CADPS: variants seen among roughly 807,000 people sequenced by gnomAD.
The protein encoded by CADPS is calcium dependent secretion activator, also known as calcium-dependent secretion activator 1.
Under a neutral mutation model 167.3 loss-of-function variants are expected in CADPS, and 57 were observed. The ratio of observed to expected loss-of-function variants is 0.34; its 90% CI spans 0.28 to 0.42. CADPS has a LOEUF of 0.42. Ranked by LOEUF, CADPS falls within the 20% of genes least tolerant of loss-of-function variation. CADPS has a pLI of 1.00. For missense variants in CADPS, 1,414 were observed against 1,738.1 expected, an observed-to-expected ratio of 0.81 and a Z score of 3.32; for synonymous variants, 676 against 635.3, an observed-to-expected ratio of 1.06 and a Z score of -0.96.
At chr3:62,871,465 C>T (rs1485452963) in intron 1 of CADPS, among the ~76,000 whole-genome samples, 1 of 152,110 alleles carries the variant, frequency 6.6e-6, no homozygotes, top group Admixed American at 6.5e-5. Flanking sequence ...AAGAAGTACA[C>T]CTGACATGTT....
chr3:62,786,250 T>C (rs1286657698), intron 1 of CADPS, among the ~76,000 whole-genome samples: 2 of 152,054 alleles, frequency 1.3e-5, no homozygotes, highest in African/African-American at 4.8e-5. Flanking sequence ...AGTTATTTTC[T>C]TGTTAATCAG....
At chr3:62,599,853 A>T (rs9870775) in intron 6 of CADPS, among the ~76,000 whole-genome samples, 5 of 2,074 alleles carry the variant, frequency 2.4e-3, no homozygotes, top group Admixed American at 0.013. Context: ...TATATATATA[A>T]TATATATAAT....
At chr3:62,579,330 C>G (rs1160190228) in intron 8 of CADPS, among the ~76,000 whole-genome samples, 2 of 152,278 alleles carry the variant, frequency 1.3e-5, no homozygotes, top group Admixed American at 1.3e-4. Context: ...TTCACTTATT[C>G]ATCTAAACAA....
At chr3:62,430,349 T>C (rs949842998) in intron 28 of CADPS, among the ~76,000 whole-genome samples, 3 of 152,140 alleles carry the variant, frequency 2.0e-5, no homozygotes, top group Non-Finnish European at 4.4e-5. Context: ...TGAATACTAT[T>C]CACTGCAATA....
At chr3:62,851,485 C>G (rs943891045) in intron 1 of CADPS, among the ~76,000 whole-genome samples, 39 of 149,978 alleles carry the variant, frequency 2.6e-4, no homozygotes, top group Non-Finnish European at 4.9e-4. Flanking sequence ...GACAAAATCT[C>G]TCAGCCTTTG....
chr3:62,448,113 A>G (rs1248772287), intron 26 of CADPS, among the ~76,000 whole-genome samples: 1 of 152,180 alleles, frequency 6.6e-6, no homozygotes, highest in Non-Finnish European at 1.5e-5. Flanking sequence ...CGGTCATCTG[A>G]GCCCAACTTT....
At chr3:62,670,884 C>T (rs545860417) in intron 3 of CADPS, among the ~76,000 whole-genome samples, 1 of 152,264 alleles carries the variant, frequency 6.6e-6, no homozygotes, top group African/African-American at 2.4e-5. Context: ...AGCCAGGCAT[C>T]AACCCACTTT....
At chr3:62,715,524 C>G (rs2084346505) in intron 3 of CADPS, among the ~76,000 whole-genome samples, 1 of 150,582 alleles carries the variant, frequency 6.6e-6, no homozygotes, top group Non-Finnish European at 1.5e-5. Flanking sequence ...CCTTAGAAAA[C>G]ATTGCCACAT....
At chr3:62,783,088 T>TA (rs1402267417) in intron 1 of CADPS, among the ~76,000 whole-genome samples, 3 of 152,112 alleles carry the variant, frequency 2.0e-5, no homozygotes, top group Admixed American at 1.3e-4. Flanking sequence ...TATAGCATCT[T>TA]ACATTCCTCC....
intron 17 of CADPS, among the ~76,000 whole-genome samples, chr3:62,508,626 A>G (rs1362188115): frequency 6.6e-6 from 1 of 152,314 alleles, no homozygotes; most frequent in African/African-American, 2.4e-5. Context: ...AATACAGTAT[A>G]TGAATGGCGC....
At position 62,833,051 on chromosome 3, in the gene CADPS, G is replaced by A. The variant is rs551501242; in HGVS notation, c.441+41538C>T. Among the ~76,000 whole-genome samples, 240 of 152,264 alleles carry A rather than the reference G, an allele frequency of 1.6e-3. 1 individual carries two copies. Among genetic ancestry groups the A allele is most frequent in the Non-Finnish European group, 1.2e-3 (83 of 68,018 alleles). On this transcript the variant is annotated intron_variant, in intron 1 of 29. Coordinates refer to ENST00000383710, the MANE Select transcript of CADPS (RefSeq NM_003716.4). ...TAGGAAAGGGTAAGAAAGCCACACG[G>A]TGCCTTCTTTTTGGCCCCAGTTCTC... is the stretch of plus-strand genomic sequence containing the variant.
At chr3:62,717,636 C>T (rs1347061098) in intron 3 of CADPS, among the ~76,000 whole-genome samples, 2 of 152,162 alleles carry the variant, frequency 1.3e-5, no homozygotes, top group African/African-American at 4.8e-5. Context: ...AATTTGACAG[C>T]TTCTCAATAT....
chr3:62,797,170 G>A (rs1044832242), intron 1 of CADPS, among the ~76,000 whole-genome samples: 1 of 147,550 alleles, frequency 6.8e-6, no homozygotes, highest in Non-Finnish European at 1.5e-5. Context: ...TTTGTTTTTT[G>A]TTTTTTTTCC....
chr3:62,608,720 C>T (rs2149251295), intron 6 of CADPS, among the ~76,000 whole-genome samples: 1 of 152,228 alleles, frequency 6.6e-6, no homozygotes, highest in Admixed American at 6.5e-5. Context: ...GCTTCCTAAG[C>T]TCTTGAAAAG....
intron 3 of CADPS, among the ~76,000 whole-genome samples, chr3:62,708,479 A>G (rs997076656): frequency 6.6e-6 from 1 of 152,190 alleles, no homozygotes; most frequent in African/African-American, 2.4e-5. Flanking sequence ...AGAAAAGTGA[A>G]ACACCAAGAG....
At chr3:62,841,747 T>C (rs1265307416) in intron 1 of CADPS, among the ~76,000 whole-genome samples, 4 of 152,166 alleles carry the variant, frequency 2.6e-5, no homozygotes, top group Non-Finnish European at 5.9e-5. Context: ...GAAAATCCTA[T>C]GGCCACATGA....
intron 13 of CADPS, among the ~76,000 whole-genome samples, chr3:62,525,010 CTT>C (rs2071701302): frequency 6.6e-6 from 1 of 152,062 alleles, no homozygotes; most frequent in Admixed American, 6.6e-5. Context: ...GTATGTGTGG[CTT>C]TTTGATATCA....
intron 1 of CADPS, among the ~76,000 whole-genome samples, chr3:62,775,071 TCTGTCACTCAGG>T (rs1445282345): frequency 2.0e-5 from 3 of 152,112 alleles, no homozygotes. Context: ...AGTCTCTCAC[TCTGTCACTCAGG>T]CTGGAGTGCA....
intron 3 of CADPS, among the ~76,000 whole-genome samples, chr3:62,698,012 T>C (rs893385153): frequency 5.3e-5 from 8 of 152,092 alleles, no homozygotes; most frequent in Non-Finnish European, 1.2e-4. Flanking sequence ...GTCAGATGTA[T>C]AGATGGTAAA....
Sources: allele counts gnomAD v4.1 joint callset (sites outside exome capture counted in the v4.1 genomes callset), GRCh38; gene constraint gnomAD v4.1.1; transcripts MANE v1.5; gene names NCBI Gene and HGNC (gene_info 2026-07-23, HGNC 2026-07-21).